The following NME7 variants were observed in gnomAD, a reference collection of about 807,000 sequenced individuals.
The protein encoded by NME7 is nucleoside diphosphate kinase 7.
A neutral mutation model predicts 49.1 loss-of-function variants in NME7; 41 were observed. That is an observed-to-expected ratio of 0.83 (90% confidence interval 0.65 to 1.08). The LOEUF (loss-of-function observed/expected upper bound fraction) is 1.08. Ranked by LOEUF, NME7 falls within the 50% of genes least tolerant of loss-of-function variation. The pLI, the probability that NME7 is intolerant of heterozygous loss-of-function variation, is 0.00. For synonymous variants in NME7, 139 were observed against 150.6 expected (o/e 0.92, Z 0.56); for missense variants, 423 against 463.4 (o/e 0.91, Z 0.80).
chr1:169,364,121 C>T lies in NME7; in HGVS notation c.3+3587G>A, dbSNP rs181831598. 1.9e-4 allele frequency among the ~76,000 whole-genome samples: 29 copies of T among 152,308 alleles called. No individual in the cohort carries two copies. In the East Asian group the frequency reaches 4.6e-3, roughly 24 times the overall value. On this transcript the variant is annotated intron_variant, in intron 1 of 11. Coordinates refer to ENST00000367811, the MANE Select transcript of NME7 (RefSeq NM_013330.5). The stretch of plus-strand genomic sequence containing the variant: ...CTTTGTATTCTCTCAGACCACTTAG[C>T]GCATTCTTTCTTATTTTGTATTCAT...
At chr1:169,264,940 C>G (rs1649273493) in intron 7 of NME7, among the ~76,000 whole-genome samples, 1 of 133,584 alleles carries the variant, frequency 7.5e-6, no homozygotes, top group East Asian at 2.0e-4. Flanking sequence ...AGGAAACTTA[C>G]AATCATGGCA....
At chr1:169,290,261 CTT>C (rs1571359948) in intron 6 of NME7, among the ~76,000 whole-genome samples, 1 of 152,062 alleles carries the variant, frequency 6.6e-6, no homozygotes, top group East Asian at 1.9e-4. Flanking sequence ...AAACTTTGTA[CTT>C]GTAATAGTAA....
At chr1:169,322,664 T>G (rs1256879061) in intron 3 of NME7, among the ~76,000 whole-genome samples, 1 of 148,050 alleles carries the variant, frequency 6.8e-6, no homozygotes, top group Non-Finnish European at 1.5e-5. Flanking sequence ...TTGGTCAACA[T>G]CTATTAGATA....
intron 7 of NME7, among the ~76,000 whole-genome samples, chr1:169,264,209 G>C (rs1649248587): frequency 7.5e-6 from 1 of 133,942 alleles, no homozygotes; most frequent in African/African-American, 2.5e-5. Context: ...ATAATTACCA[G>C]CTAAGAACAT....
chr1:169,365,294 C>T (rs576034466), intron 1 of NME7, among the ~76,000 whole-genome samples: 2 of 152,276 alleles, frequency 1.3e-5, no homozygotes, highest in African/African-American at 4.8e-5. Context: ...AAATATTTCC[C>T]ATCCTTCCAC....
intron 6 of NME7, among the ~76,000 whole-genome samples, chr1:169,290,288 C>A (rs1173665767): frequency 6.6e-6 from 1 of 151,986 alleles, no homozygotes; most frequent in Non-Finnish European, 1.5e-5. Context: ...AAATGAATAT[C>A]ATTTCTGTAA....
At chr1:169,307,677 T>C (rs1036211747) in intron 4 of NME7, among the ~76,000 whole-genome samples, 2 of 152,166 alleles carry the variant, frequency 1.3e-5, no homozygotes, top group Non-Finnish European at 1.5e-5. Flanking sequence ...ATAGAGACAC[T>C]AAACTCATGT....
In NME7 at chr1:169,265,120, C is replaced by T. The variant is rs144874008; in HGVS notation, c.754+22183G>A. 7.5e-5 allele frequency among the ~76,000 whole-genome samples: 10 copies of T among 132,868 alleles called. 1 individual carries two copies. The East Asian group carries it at 2.0e-3, about 27-fold the overall frequency. The allele number at this position is 132,868 out of a possible 152,430, so 87.2% of individuals were successfully genotyped here. A position where few individuals can be genotyped will look rare whatever the true frequency, so the allele number is the denominator to read the frequency against. On this transcript the variant is annotated intron_variant, in intron 7 of 11. Coordinates refer to ENST00000367811, the MANE Select transcript of NME7 (RefSeq NM_013330.5). Reference sequence around the variant, plus strand: ...AAGATTCAAATATCTCCTACCAGGTCCCTCCCATGACATGTCAGAATTATA... The same window carrying T: ...AAGATTCAAATATCTCCTACCAGGTTCCTCCCATGACATGTCAGAATTATA...
At chr1:169,232,912 C>CTTTTTTTTTT (rs10545228) in intron 9 of NME7, among the ~76,000 whole-genome samples, 2 of 74,528 alleles carry the variant, frequency 2.7e-5, no homozygotes, top group Non-Finnish European at 5.0e-5. Flanking sequence ...GTTTTCTTTT[C>CTTTTTTTTTT]TTTTTTTTTT....
intron 11 of NME7, among the ~76,000 whole-genome samples, chr1:169,163,118 C>T (rs569989581): frequency 9.2e-4 from 140 of 152,166 alleles, no homozygotes; most frequent in African/African-American, 1.7e-3. Context: ...TGTTTTTCAA[C>T]GAATCCTGGG....
chr1:169,266,095 C>T (rs1248676681), intron 7 of NME7, among the ~76,000 whole-genome samples: 1 of 132,320 alleles, frequency 7.6e-6, no homozygotes, highest in Non-Finnish European at 1.8e-5. Context: ...AGGAGGGAAT[C>T]CTCCTCAACT....
chr1:169,231,590 T>G (rs1218452245), intron 9 of NME7, among the ~76,000 whole-genome samples: 1 of 152,162 alleles, frequency 6.6e-6, no homozygotes, highest in African/African-American at 2.4e-5. Flanking sequence ...ATCTGTCACA[T>G]GTGTACAGCA....
intron 7 of NME7, among the ~76,000 whole-genome samples, chr1:169,278,391 T>A (rs1410356503): frequency 1.3e-5 from 2 of 152,172 alleles, no homozygotes; most frequent in African/African-American, 4.8e-5. Context: ...TGTTTCTTTT[T>A]ATTCTTTTCT....
In NME7 at chr1:169,264,030, C is replaced by T. The variant is rs1649241736; in HGVS notation, c.754+23273G>A. Among the ~76,000 whole-genome samples the T allele has an allele frequency of 2.3e-5, 3 of 133,158 alleles. 1 individual carries two copies. The highest frequency in any genetic ancestry group is 2.2e-4 in the Admixed American group (3 of 13,542). 87.4% of individuals were successfully genotyped at this position (133,158 alleles called of 152,430 possible). The stretch of plus-strand genomic sequence containing the variant: ...TCAAAAGCAAAGGAAAAATAAGATC[C>T]TTTCAGACAAGAAAATGCTGAGGGA... On this transcript the variant is annotated intron_variant, in intron 7 of 11. Coordinates refer to ENST00000367811, the MANE Select transcript of NME7 (RefSeq NM_013330.5).
At chr1:169,169,620 C>T in intron 10 of NME7, 66 bp from the exon 11 acceptor site, 1 of 1,378,304 alleles carries the variant, frequency 7.3e-7, no homozygotes, top group Non-Finnish European at 1.0e-6. Context: ...AAAACACTAG[C>T]TATATGAAAC....
intron 5 of NME7, chr1:169,302,311 T>G (rs1225093206): frequency 6.6e-6 from 1 of 152,162 alleles, no homozygotes; most frequent in Non-Finnish European, 1.5e-5. Context: ...ACTTGCCTGT[T>G]CATTGCAGCA....
intron 10 of NME7, among the ~76,000 whole-genome samples, chr1:169,184,354 A>C (rs771634238): frequency 1.2e-4 from 19 of 152,236 alleles, no homozygotes; most frequent in Non-Finnish European, 7.3e-5. Context: ...CAGGAAAAGT[A>C]ATTTCAAAAC....
intron 11 of NME7, among the ~76,000 whole-genome samples, chr1:169,139,543 A>G (rs1658530858): frequency 6.6e-6 from 1 of 152,240 alleles, no homozygotes; most frequent in Admixed American, 6.5e-5. Context: ...CTCAGATTCC[A>G]CATCTATAAT....
chr1:169,229,974 A>T (rs891792364), intron 10 of NME7, among the ~76,000 whole-genome samples: 5 of 151,990 alleles, frequency 3.3e-5, no homozygotes, highest in Non-Finnish European at 5.9e-5. Context: ...AAAAAAAAAA[A>T]TTAAAAATAA....
Sources: allele counts gnomAD v4.1 joint callset (sites outside exome capture counted in the v4.1 genomes callset), GRCh38; gene constraint gnomAD v4.1.1; transcripts MANE v1.5; gene names NCBI Gene and HGNC (gene_info 2026-07-23, HGNC 2026-07-21).